ADGRL3: variants seen among roughly 807,000 people sequenced by gnomAD.
ADGRL3 encodes the protein adhesion G protein-coupled receptor L3, also known as calcium-independent alpha-latrotoxin receptor 3.
A neutral mutation model predicts 153.5 loss-of-function variants in ADGRL3; 62 were observed. The observed-to-expected ratio is 0.40, with a 90% confidence interval of 0.33 to 0.50. The LOEUF (loss-of-function observed/expected upper bound fraction) is 0.50, where lower values mean the gene tolerates loss of function less well. Among genes scored for constraint, ADGRL3 ranks in the 20% least tolerant of loss-of-function variants. The probability of loss-of-function intolerance (pLI) is 0.47; values close to 1 mark genes in which losing one functional copy is unlikely to be tolerated. For synonymous variants in ADGRL3, 710 were observed against 672.5 expected (o/e 1.06, Z -0.86); for missense variants, 1,641 against 1,859.4 (o/e 0.88, Z 2.16).
intron 2 of ADGRL3, among the ~76,000 whole-genome samples, chr4:61,452,114 G>T (rs549703178): frequency 6.6e-6 from 1 of 152,204 alleles, no homozygotes; most frequent in Admixed American, 6.5e-5. Flanking sequence ...GAATAACTCT[G>T]CATGAATGTC....
intron 25 of ADGRL3, among the ~76,000 whole-genome samples, chr4:62,057,860 G>A (rs984525405): frequency 2.0e-5 from 3 of 151,958 alleles, no homozygotes; most frequent in African/African-American, 7.2e-5. Flanking sequence ...TTGTATTTTA[G>A]TAGAGACAGG....
intron 25 of ADGRL3, among the ~76,000 whole-genome samples, chr4:62,067,413 A>G (rs1181056144): frequency 1.3e-5 from 2 of 152,062 alleles, no homozygotes; most frequent in South Asian, 2.1e-4. Flanking sequence ...TTGATTGCAT[A>G]CAATTGTGCA....
chr4:61,373,438 A>G (rs1407437310), intron 1 of ADGRL3, among the ~76,000 whole-genome samples: 1 of 152,332 alleles, frequency 6.6e-6, no homozygotes, highest in South Asian at 2.1e-4. Context: ...TTTATCCCAT[A>G]TGAATTTGAG....
At chr4:61,498,889 A>G (rs572575600) in intron 3 of ADGRL3, among the ~76,000 whole-genome samples, 1 of 152,160 alleles carries the variant, frequency 6.6e-6, no homozygotes, top group Non-Finnish European at 1.5e-5. Context: ...TTGGCTAATT[A>G]TCATTGATTT....
intron 1 of ADGRL3, among the ~76,000 whole-genome samples, chr4:61,355,891 A>G (rs1011164220): frequency 1.3e-5 from 2 of 152,110 alleles, no homozygotes; most frequent in African/African-American, 4.8e-5. Flanking sequence ...AGCAGTATTC[A>G]AGTTTTGAAG....
chr4:61,424,302 T>G (rs564024744), intron 2 of ADGRL3, among the ~76,000 whole-genome samples: 1 of 152,262 alleles, frequency 6.6e-6, no homozygotes, highest in South Asian at 2.1e-4. Context: ...GATGTTTACC[T>G]TGGCCTACTC....
chr4:61,366,140 A>G (rs978889354), intron 1 of ADGRL3, among the ~76,000 whole-genome samples: 1 of 64,244 alleles, frequency 1.6e-5, no homozygotes, highest in Admixed American at 1.8e-4. Context: ...TATTTTCTTT[A>G]AAAAAAAGAA....
chr4:61,637,770 C>T (rs1018723387), intron 5 of ADGRL3, among the ~76,000 whole-genome samples: 2 of 151,854 alleles, frequency 1.3e-5, no homozygotes, highest in African/African-American at 4.8e-5. Flanking sequence ...CCCCACCCCC[C>T]AAAAACGTCA....
intron 1 of ADGRL3, among the ~76,000 whole-genome samples, chr4:61,205,424 A>G (rs1171234948): frequency 6.6e-6 from 1 of 152,182 alleles, no homozygotes; most frequent in Non-Finnish European, 1.5e-5. Context: ...TGGAATTTAA[A>G]AAGGATGATC....
rs553078875 is a variant in ADGRL3, at chr4:61,813,870, A to G, written c.1461A>G (p.Leu487=). 8 of 1,584,742 alleles carry G rather than the reference A, an allele frequency of 5.0e-6. No individual in the cohort carries two copies. The highest frequency in any genetic ancestry group is 1.1e-5 in the South Asian group (1 of 90,428). The change falls in exon 9 of 27, where the codon CTA becomes CTG. Residue 487 remains leucine (L), a synonymous_variant. Coordinates refer to ENST00000683033, the MANE Select transcript of ADGRL3 (RefSeq NM_001387552.1). ...ISPPIHLDSE[L]ERPSVKDIST... is the part of the protein sequence containing the mutation. Reference sequence around the variant, plus strand: ...CGCCAATTCACCTTGACTCTGAGCTAGAAAGACCCTCTGTTAAAGGTGAGT... The same window carrying G: ...CGCCAATTCACCTTGACTCTGAGCTGGAAAGACCCTCTGTTAAAGGTGAGT...
intron 1 of ADGRL3, among the ~76,000 whole-genome samples, chr4:61,257,243 A>T (rs534358045): frequency 6.6e-6 from 1 of 152,218 alleles, no homozygotes; most frequent in Non-Finnish European, 1.5e-5. Flanking sequence ...TCCTATGAAT[A>T]ATATCACTGT....
intron 25 of ADGRL3, among the ~76,000 whole-genome samples, chr4:62,066,397 T>A (rs995074870): frequency 6.6e-6 from 1 of 152,078 alleles, no homozygotes; most frequent in Non-Finnish European, 1.5e-5. Flanking sequence ...CACCATTTAT[T>A]TAAAATATGT....
intron 1 of ADGRL3, among the ~76,000 whole-genome samples, chr4:61,248,285 A>T (rs899456358): frequency 6.6e-6 from 1 of 152,112 alleles, no homozygotes; most frequent in Non-Finnish European, 1.5e-5. Context: ...AGAAAGTTAC[A>T]TATGACTAAG....
intron 13 of ADGRL3, among the ~76,000 whole-genome samples, chr4:61,929,531 A>AT (rs747313586): frequency 4.6e-5 from 7 of 152,092 alleles, no homozygotes; most frequent in Non-Finnish European, 1.0e-4. Context: ...AGAGATTTTT[A>AT]TTTTAGCTGA....
At chr4:61,524,592 T>C (rs1343237271) in intron 4 of ADGRL3, among the ~76,000 whole-genome samples, 1 of 152,056 alleles carries the variant, frequency 6.6e-6, no homozygotes, top group Non-Finnish European at 1.5e-5. Context: ...AGCTTTACTG[T>C]TTACTAACTA....
Position 61,839,075 on chromosome 4 carries a change from G to A in ADGRL3, c.1480+25186G>A, listed in dbSNP as rs577060960. ...GAAATGGGGAAGGAAGAAAGGGAGC[G>A]TGTACTGGAGTATTTAAAAGTAATG... On this transcript the variant is annotated intron_variant, in intron 9 of 26. Coordinates refer to ENST00000683033, the MANE Select transcript of ADGRL3 (RefSeq NM_001387552.1). 6.6e-5 allele frequency among the ~76,000 whole-genome samples: 10 copies of A among 152,090 alleles called. No homozygotes were observed. In the South Asian group the frequency reaches 1.2e-3, roughly 19 times the overall value.
At chr4:61,879,124 G>C (rs939368794) in intron 9 of ADGRL3, among the ~76,000 whole-genome samples, 2 of 152,238 alleles carry the variant, frequency 1.3e-5, no homozygotes, top group African/African-American at 4.8e-5. Flanking sequence ...AAACAGAGTT[G>C]ACAATATATT....
At chr4:61,431,673 G>A (rs2097357387) in intron 2 of ADGRL3, among the ~76,000 whole-genome samples, 2 of 152,184 alleles carry the variant, frequency 1.3e-5, no homozygotes, top group Non-Finnish European at 2.9e-5. Flanking sequence ...TAGAAGGAAA[G>A]CAAGAACATT....
intron 5 of ADGRL3, among the ~76,000 whole-genome samples, chr4:61,662,535 G>C (rs1366780841): frequency 6.6e-6 from 1 of 152,220 alleles, no homozygotes; most frequent in African/African-American, 2.4e-5. Flanking sequence ...ATGGGAGGGA[G>C]GCCAAAGGTG....
Sources: gnomAD v4.1 joint callset for allele counts (sites outside exome capture counted in the v4.1 genomes callset) on GRCh38, gnomAD v4.1.1 for gene constraint, MANE v1.5 for transcripts, NCBI Gene and HGNC (gene_info 2026-07-23, HGNC 2026-07-21) for gene names.